RANBP2: variants seen among roughly 807,000 people sequenced by gnomAD.
RANBP2 encodes E3 SUMO-protein ligase RanBP2.
RANBP2 carries 57 observed loss-of-function variants against 303.6 expected under a neutral mutation model. That is an observed-to-expected ratio of 0.19 (90% confidence interval 0.15 to 0.23). The LOEUF (loss-of-function observed/expected upper bound fraction) is 0.23. Among genes scored for constraint, RANBP2 ranks in the 10% least tolerant of loss-of-function variants. The pLI, the probability that RANBP2 is intolerant of heterozygous loss-of-function variation, is 1.00. For missense variants in RANBP2, 3,138 were observed against 3,780.8 expected (o/e 0.83, Z 4.46); for synonymous variants, 1,167 against 1,301.5 (o/e 0.90, Z 2.23).
chr2:109,162,850 C>G, the RANBP2 span, among the ~76,000 whole-genome samples: 1 of 149,260 alleles, frequency 6.7e-6, no homozygotes. Context: ...CTTTTCTCAC[C>G]TTGGTATTGC....
At chr2:109,089,153 C>T in the RANBP2 span, among the ~76,000 whole-genome samples, 6 of 141,898 alleles carry the variant, frequency 4.2e-5, no homozygotes, top group African/African-American at 5.0e-5. Context: ...ACGCTTCCTT[C>T]GGGAGAGCCA....
chr2:108,954,975 G>C, the RANBP2 span, among the ~76,000 whole-genome samples: 3 of 152,082 alleles, frequency 2.0e-5, no homozygotes, highest in Non-Finnish European at 4.4e-5. Context: ...TGAGCCACCA[G>C]ACCTGGCCGG....
chr2:109,273,967 A>G, the RANBP2 span, among the ~76,000 whole-genome samples: 2 of 152,146 alleles, frequency 1.3e-5, no homozygotes, highest in Non-Finnish European at 2.9e-5. Flanking sequence ...TGGAAAATGG[A>G]ATACTAATTA....
chr2:109,639,384 GC>G, the RANBP2 span, among the ~76,000 whole-genome samples: 1 of 152,228 alleles, frequency 6.6e-6, no homozygotes, highest in Non-Finnish European at 1.5e-5. Context: ...ATTTTGGGAG[GC>G]CAAGGTGGGC....
chr2:108,720,123 G>A (rs1374868942), intron 1 of RANBP2: 1 of 984,376 alleles, frequency 1.0e-6, no homozygotes, highest in African/African-American at 1.8e-5. Flanking sequence ...GGAACCCAGT[G>A]GGGACTGACG....
the RANBP2 span, among the ~76,000 whole-genome samples, chr2:109,493,481 A>AC: frequency 1.3e-5 from 2 of 151,466 alleles, no homozygotes; most frequent in Non-Finnish European, 2.9e-5. Context: ...ACAAACACAT[A>AC]CCCCACATAC....
At chr2:109,613,214 A>T in the RANBP2 span, 1 of 1,282,250 alleles carries the variant, frequency 7.8e-7, no homozygotes, top group Non-Finnish European at 1.0e-6. Flanking sequence ...AAGCGAGATA[A>T]ATCTACAAAA....
At chr2:109,157,512 C>G in the RANBP2 span, among the ~76,000 whole-genome samples, 1 of 152,084 alleles carries the variant, frequency 6.6e-6, no homozygotes, top group Admixed American at 6.5e-5. Flanking sequence ...TGAAACTGGC[C>G]TTAGAGATAA....
the RANBP2 span, among the ~76,000 whole-genome samples, chr2:109,270,492 G>A: frequency 3.3e-5 from 5 of 152,166 alleles, no homozygotes; most frequent in African/African-American, 1.2e-4. Context: ...TGAGCCACTG[G>A]ACTTAATGTG....
chr2:108,786,831 G>C, downstream of RANBP2: 1 of 1,591,262 alleles, frequency 6.3e-7, no homozygotes, highest in Non-Finnish European at 8.5e-7. Flanking sequence ...CTATGGAGCC[G>C]AGGGTCGTCA....
At chr2:108,967,149 G>T in the RANBP2 span, among the ~76,000 whole-genome samples, 1 of 152,134 alleles carries the variant, frequency 6.6e-6, no homozygotes, top group African/African-American at 2.4e-5. Flanking sequence ...TGGTTAGGCT[G>T]GTTTTGAACT....
chr2:109,012,401 C>A, the RANBP2 span, among the ~76,000 whole-genome samples: 2 of 152,286 alleles, frequency 1.3e-5, no homozygotes, highest in South Asian at 2.1e-4. Flanking sequence ...ATCCTTCGGT[C>A]TTGAGAGCCC....
chr2:109,456,107 C>T, the RANBP2 span, among the ~76,000 whole-genome samples: 1 of 152,212 alleles, frequency 6.6e-6, no homozygotes, highest in Non-Finnish European at 1.5e-5. Flanking sequence ...TTGGGAACCT[C>T]AGGTCTGCCG....
At chr2:108,781,574 C>G (rs1678260937) in intron 26 of RANBP2, 145 bp downstream of exon 26, 2 of 707,988 alleles carry the variant, frequency 2.8e-6, no homozygotes, top group Non-Finnish European at 4.6e-6. Flanking sequence ...GATGTCTAGC[C>G]TTTAAGTATA....
At chr2:109,546,034 T>A in the RANBP2 span, 1 of 1,549,718 alleles carries the variant, frequency 6.5e-7, no homozygotes, top group Non-Finnish European at 8.7e-7. Flanking sequence ...CCAGGGAGGG[T>A]GGCTGGGCCT....
At chr2:108,720,406 A>G (rs991873157) in intron 1 of RANBP2, among the ~76,000 whole-genome samples, 6 of 151,934 alleles carry the variant, frequency 3.9e-5, no homozygotes, top group Admixed American at 6.6e-5. Flanking sequence ...ATGGCTTGCA[A>G]TTTTTAACCT....
chr2:109,162,295 TG>T, the RANBP2 span, among the ~76,000 whole-genome samples: 1 of 152,218 alleles, frequency 6.6e-6, no homozygotes, highest in Non-Finnish European at 1.5e-5. Flanking sequence ...TAAAAGGCGC[TG>T]GTGTAAATAC....
intron 4 of RANBP2, chr2:108,731,960 A>G (rs1447681172): frequency 6.1e-6 from 1 of 165,110 alleles, no homozygotes; most frequent in East Asian, 1.8e-4. Flanking sequence ...AATGGTAGGA[A>G]GTTCTTGCTA....
At chr2:109,689,187 G>T in the RANBP2 span, among the ~76,000 whole-genome samples, 2 of 152,086 alleles carry the variant, frequency 1.3e-5, no homozygotes, top group Admixed American at 6.6e-5. Context: ...GATTACAGGC[G>T]TGAGCCACCG....
Sources: gnomAD v4.1 joint callset for allele counts (sites outside exome capture counted in the v4.1 genomes callset) on GRCh38, gnomAD v4.1.1 for gene constraint, MANE v1.5 for transcripts, NCBI Gene and HGNC (gene_info 2026-07-23, HGNC 2026-07-21) for gene names.